EXTL3: variants seen among roughly 807,000 people sequenced by gnomAD.
EXTL3 encodes exostosin like glycosyltransferase 3, also known as exostosin-like 3.
EXTL3 carries 27 observed loss-of-function variants against 69.3 expected under a neutral mutation model. That is an observed-to-expected ratio of 0.39 (90% confidence interval 0.29 to 0.54). EXTL3 has a LOEUF of 0.54. Ranked by LOEUF, EXTL3 falls within the 20% of genes least tolerant of loss-of-function variation. The pLI is 0.69. For synonymous variants in EXTL3, 511 were observed against 499.4 expected (o/e 1.02, Z -0.31); for missense variants, 1,003 against 1,231.8 (o/e 0.81, Z 2.78).
intron 6 of EXTL3, among the ~76,000 whole-genome samples, chr8:28,746,076 A>G (rs1343129699): frequency 1.3e-5 from 2 of 152,206 alleles, no homozygotes; most frequent in Admixed American, 6.5e-5. Context: ...TTTTAATGGT[A>G]TCAGGTATAT....
At chr8:28,678,774 C>A (rs1467792079) in intron 1 of EXTL3, among the ~76,000 whole-genome samples, 2 of 152,182 alleles carry the variant, frequency 1.3e-5, no homozygotes, top group African/African-American at 4.8e-5. Context: ...TTGATCAAAA[C>A]AAGCATGGGG....
At chr8:28,629,428 A>G (rs1043602430) in intron 1 of EXTL3, among the ~76,000 whole-genome samples, 1 of 151,934 alleles carries the variant, frequency 6.6e-6, no homozygotes, top group Non-Finnish European at 1.5e-5. Context: ...TCATTCATTC[A>G]TTATCAAATA....
In EXTL3 at chr8:28,706,018, C is replaced by T. The variant is rs534706908; in HGVS notation, c.-570+4359C>T. ...TTATACTGCATATATGGCTTTGAATCTGTATTTTTCCAGCTAACATTGTGA... is the reference window on the plus strand; with the variant it reads ...TTATACTGCATATATGGCTTTGAATTTGTATTTTTCCAGCTAACATTGTGA... On this transcript the variant is annotated intron_variant, in intron 1 of 6. Coordinates refer to ENST00000220562, the MANE Select transcript of EXTL3 (RefSeq NM_001440.4). 2.0e-5 allele frequency among the ~76,000 whole-genome samples: 3 copies of T among 152,264 alleles called. No homozygotes were observed. In the East Asian group the frequency reaches 5.8e-4, roughly 29 times the overall value.
At chr8:28,739,513 T>C (rs1446354982) in intron 5 of EXTL3, among the ~76,000 whole-genome samples, 4 of 151,958 alleles carry the variant, frequency 2.6e-5, no homozygotes, top group Non-Finnish European at 4.4e-5. Context: ...GTAATTTTTA[T>C]AGAGATGCAG....
At chr8:28,746,503 T>C (rs1801891725) in intron 6 of EXTL3, among the ~76,000 whole-genome samples, 1 of 152,202 alleles carries the variant, frequency 6.6e-6, no homozygotes, top group Non-Finnish European at 1.5e-5. Flanking sequence ...TTTTCTTAGA[T>C]TGAGTTACCT....
At chr8:28,729,948 G>C (rs1057181213) in intron 3 of EXTL3, among the ~76,000 whole-genome samples, 6 of 151,944 alleles carry the variant, frequency 3.9e-5, no homozygotes, top group Non-Finnish European at 7.4e-5. Context: ...AGTGACAGAC[G>C]CTATAGTCTC....
At chr8:28,640,697 G>A (rs1806729436) in intron 1 of EXTL3, among the ~76,000 whole-genome samples, 1 of 152,134 alleles carries the variant, frequency 6.6e-6, no homozygotes, top group Non-Finnish European at 1.5e-5. Context: ...CGACCTCCTG[G>A]GCTCAAGCAG....
intron 1 of EXTL3, among the ~76,000 whole-genome samples, chr8:28,681,738 G>A (rs990190038): frequency 4.6e-5 from 7 of 151,820 alleles, no homozygotes; most frequent in African/African-American, 1.7e-4. Flanking sequence ...TTTCCATAAT[G>A]ATTGTGCCAT....
At chr8:28,622,318 C>T (rs1469237047), upstream of EXTL3, among the ~76,000 whole-genome samples, 1 of 152,272 alleles carries the variant, frequency 6.6e-6, no homozygotes, top group Non-Finnish European at 1.5e-5. Flanking sequence ...GCGCCCTCTG[C>T]GCTAGGCGCC....
At position 28,752,795 on chromosome 8, in the gene EXTL3, G is replaced by A. The variant is rs1802036929; in HGVS notation, c.*1929G>A. On this transcript the variant is annotated 3_prime_UTR_variant, in exon 7 of 7. Transcript: ENST00000220562. ...CTTTTAGCAGTAGCCTTCTTCCCTC[G>A]GGGAGCCAAAGAGTGTGGTGTGTGG... The A allele has an allele frequency of 1.3e-5, 2 of 152,848 alleles. No homozygotes were observed. Among genetic ancestry groups the A allele is most frequent in the Admixed American group, 6.5e-5 (1 of 15,274 alleles). 9.5% of individuals were successfully genotyped at this position (152,848 alleles called of 1,614,324 possible).
chr8:28,684,475 G>A (rs1199989221), intron 1 of EXTL3, among the ~76,000 whole-genome samples: 1 of 152,170 alleles, frequency 6.6e-6, no homozygotes, highest in Non-Finnish European at 1.5e-5. Context: ...ATGCATGATG[G>A]CTCACCCTTG....
intron 1 of EXTL3, among the ~76,000 whole-genome samples, chr8:28,685,314 C>T (rs1017388001): frequency 5.9e-5 from 9 of 151,994 alleles, no homozygotes; most frequent in African/African-American, 1.9e-4. Context: ...GATCACACAT[C>T]GCATTTAGCT....
chr8:28,750,982 T>A lies in EXTL3; in HGVS notation c.*116T>A. 1.2e-6 allele frequency: 1 copy of A among 855,046 alleles called. No individual in the cohort carries two copies. The highest frequency in any genetic ancestry group is 1.9e-6 in the Non-Finnish European group (1 of 530,514). The allele number at this position is 855,046 out of a possible 1,614,324, so 53.0% of individuals were successfully genotyped here. A position where few individuals can be genotyped will look rare whatever the true frequency, so the allele number is the denominator to read the frequency against. On this transcript the variant is annotated 3_prime_UTR_variant, in exon 7 of 7. Coordinates refer to ENST00000220562, the MANE Select transcript of EXTL3 (RefSeq NM_001440.4). The surrounding 1 kb of genome is among the most constrained non-coding windows in gnomAD (Gnocchi z 5.2). ...CTGGTGGGTGGCCCAGAGCCTCTGC[T>A]GGAAGGGGCAGCAGGAGGAGTGGAA...
upstream of EXTL3, among the ~76,000 whole-genome samples, chr8:28,698,942 G>A (rs1800728323): frequency 1.3e-5 from 2 of 152,118 alleles, no homozygotes; most frequent in Admixed American, 6.5e-5. Context: ...GCAGAGAGTC[G>A]AGATCATGCC....
At chr8:28,668,349 T>TG (rs1807231678) in intron 1 of EXTL3, among the ~76,000 whole-genome samples, 1 of 138,688 alleles carries the variant, frequency 7.2e-6, no homozygotes, top group Admixed American at 7.1e-5. Context: ...TTTTTTTTTT[T>TG]GAGACAGAGT....
At chr8:28,731,473 G>A (rs1801536843) in intron 4 of EXTL3, 123 bp downstream of exon 4, 1 of 1,009,542 alleles carries the variant, frequency 9.9e-7, no homozygotes, top group East Asian at 2.6e-5. Flanking sequence ...CAGGGCTGAT[G>A]TAGGACGTGG....
downstream of EXTL3, among the ~76,000 whole-genome samples, chr8:28,756,110 A>G (rs1802117936): frequency 6.6e-6 from 1 of 152,224 alleles, no homozygotes; most frequent in African/African-American, 2.4e-5. Context: ...TTAAACGTGC[A>G]CACTGTAATG....
At chr8:28,611,465 C>A (rs931168439) in intron 2 of EXTL3, among the ~76,000 whole-genome samples, 3 of 151,816 alleles carry the variant, frequency 2.0e-5, no homozygotes, top group Non-Finnish European at 4.4e-5. Context: ...AAAAAAAAAA[C>A]CACATTGACT....
At chr8:28,681,611 T>C (rs1181175101) in intron 1 of EXTL3, among the ~76,000 whole-genome samples, 1 of 152,100 alleles carries the variant, frequency 6.6e-6, no homozygotes, top group Non-Finnish European at 1.5e-5. Flanking sequence ...AACAAGAGAG[T>C]GCAGATATAT....
Sources: allele counts gnomAD v4.1 joint callset (sites outside exome capture counted in the v4.1 genomes callset), GRCh38; gene constraint gnomAD v4.1.1; non-coding constraint Gnocchi (gnomAD v3.1); transcripts MANE v1.5; gene names NCBI Gene and HGNC (gene_info 2026-07-23, HGNC 2026-07-21).